The following ATXN1 variants were observed in gnomAD, a reference collection of about 807,000 sequenced individuals.
ATXN1 encodes ataxin 1.
In ATXN1, 8 loss-of-function variants were observed where a neutral mutation model predicts 56.4. The ratio of observed to expected loss-of-function variants is 0.14; its 90% confidence interval spans 0.08 to 0.26. ATXN1 has a LOEUF of 0.26. Ranked by LOEUF, ATXN1 falls within the 10% of genes least tolerant of loss-of-function variation. The probability of loss-of-function intolerance (pLI) is 1.00; values close to 1 mark genes in which losing one functional copy is unlikely to be tolerated. For synonymous variants in ATXN1, 514 were observed against 494.6 expected (o/e 1.04, Z -0.52); for missense variants, 987 against 1,106.5 (o/e 0.89, Z 1.53).
At chr6:16,516,952 T>C (rs1761194206) in intron 5 of ATXN1, among the ~76,000 whole-genome samples, 1 of 152,246 alleles carries the variant, frequency 6.6e-6, no homozygotes, top group Admixed American at 6.5e-5. Context: ...GTTGTGAGCC[T>C]CGCAAGCAGT....
chr6:16,698,654 A>T (rs201538870), intron 2 of ATXN1, among the ~76,000 whole-genome samples: 43,225 of 131,544 alleles, frequency 0.33, 6,252 homozygotes, highest in African/African-American at 0.36. Flanking sequence ...AAAAATTAAA[A>T]AAAAAAAAAA....
chr6:16,392,716 G>A (rs7756396), intron 6 of ATXN1, among the ~76,000 whole-genome samples: 6,374 of 152,062 alleles, frequency 0.042, 439 homozygotes, highest in African/African-American at 0.14. Context: ...GGCTGGTCTC[G>A]AACTCCTGAC....
At chr6:16,714,462 T>C (rs1759598149) in intron 2 of ATXN1, among the ~76,000 whole-genome samples, 1 of 152,220 alleles carries the variant, frequency 6.6e-6, no homozygotes, top group African/African-American at 2.4e-5. Flanking sequence ...GTTTTCCTTT[T>C]GAAATAGTGT....
At chr6:16,449,041 G>T (rs1759689907) in intron 6 of ATXN1, among the ~76,000 whole-genome samples, 1 of 152,116 alleles carries the variant, frequency 6.6e-6, no homozygotes, top group Admixed American at 6.5e-5. Flanking sequence ...TAATGGGCCA[G>T]ACCATACTGC....
chr6:16,336,261 T>C (rs1561857157), intron 6 of ATXN1, among the ~76,000 whole-genome samples: 1 of 152,220 alleles, frequency 6.6e-6, no homozygotes, highest in Non-Finnish European at 1.5e-5. Context: ...TACACTCACC[T>C]CCTGGCTATG....
At chr6:16,679,319 T>TGG (rs1581358392) in intron 2 of ATXN1, among the ~76,000 whole-genome samples, 4 of 58,242 alleles carry the variant, frequency 6.9e-5, no homozygotes, top group Admixed American at 5.2e-4. Flanking sequence ...TGGATGGATA[T>TGG]ATGGGTGGGT....
intron 6 of ATXN1, among the ~76,000 whole-genome samples, chr6:16,430,858 G>A (rs1759268688): frequency 6.6e-6 from 1 of 152,072 alleles, no homozygotes; most frequent in Admixed American, 6.6e-5. Flanking sequence ...CAAGGTTCGT[G>A]GTGTTTGCTG....
intron 4 of ATXN1, among the ~76,000 whole-genome samples, chr6:16,542,430 T>C (rs888219146): frequency 3.9e-5 from 6 of 152,244 alleles, no homozygotes; most frequent in Non-Finnish European, 5.9e-5. Context: ...CTCCCTCCTA[T>C]GTTACTTTGG....
intron 2 of ATXN1, chr6:16,738,841 G>T (rs1389026660): frequency 6.6e-6 from 1 of 152,152 alleles, no homozygotes; most frequent in East Asian, 1.9e-4. Flanking sequence ...CAAAAATATG[G>T]TTGTCAGAAC....
chr6:16,746,838 C>T (rs148257750), intron 2 of ATXN1, among the ~76,000 whole-genome samples: 12 of 151,758 alleles, frequency 7.9e-5, no homozygotes, highest in Middle Eastern at 3.4e-3. Flanking sequence ...TTGGGGGAGC[C>T]GGGAGCAAGA....
intron 3 of ATXN1, among the ~76,000 whole-genome samples, chr6:16,649,587 C>T (rs765766025): frequency 6.6e-5 from 10 of 152,146 alleles, no homozygotes; most frequent in African/African-American, 1.4e-4. Context: ...CAAAGATATA[C>T]GCCAGTAGTT....
chr6:16,368,129 C>T (rs1411210354), intron 6 of ATXN1, among the ~76,000 whole-genome samples: 1 of 151,322 alleles, frequency 6.6e-6, no homozygotes, highest in East Asian at 1.9e-4. Flanking sequence ...GAAATCATGC[C>T]ACTGCACTCC....
chr6:16,598,312 A>T (rs964722866), intron 3 of ATXN1, among the ~76,000 whole-genome samples: 1 of 152,176 alleles, frequency 6.6e-6, no homozygotes, highest in Non-Finnish European at 1.5e-5. Flanking sequence ...AAACTCCATA[A>T]TTAAGAGTTA....
chr6:16,444,074 C>T (rs558658211), intron 6 of ATXN1, among the ~76,000 whole-genome samples: 4 of 151,222 alleles, frequency 2.6e-5, no homozygotes, highest in African/African-American at 9.7e-5. Context: ...CGAGATTGCG[C>T]CACTGCATTC....
chr6:16,537,654 C>T (rs905725722), intron 4 of ATXN1, among the ~76,000 whole-genome samples: 4 of 149,764 alleles, frequency 2.7e-5, no homozygotes. Flanking sequence ...TGCAGTGAGC[C>T]GAGACTGCAC....
intron 6 of ATXN1, among the ~76,000 whole-genome samples, chr6:16,456,590 G>A (rs1311641744): frequency 6.6e-6 from 1 of 152,192 alleles, no homozygotes; most frequent in Non-Finnish European, 1.5e-5. Context: ...CTGCAGCCAT[G>A]AGCAGAACTC....
chr6:16,320,683 G>A (rs1760628078), intron 7 of ATXN1, among the ~76,000 whole-genome samples: 4 of 152,236 alleles, frequency 2.6e-5, no homozygotes, highest in South Asian at 2.1e-4. Flanking sequence ...TGCAGAAGAG[G>A]AGCCTGGGAG....
At chr6:16,634,385 T>C (rs956481177) in intron 3 of ATXN1, among the ~76,000 whole-genome samples, 1 of 152,200 alleles carries the variant, frequency 6.6e-6, no homozygotes, top group Non-Finnish European at 1.5e-5. Flanking sequence ...CCCTACCTCA[T>C]AGGGTTGTTT....
At chr6:16,349,428 G>A (rs1339642110) in intron 6 of ATXN1, among the ~76,000 whole-genome samples, 6 of 152,036 alleles carry the variant, frequency 3.9e-5, no homozygotes, top group African/African-American at 9.7e-5. Context: ...ACTTGAACCC[G>A]GGAGGCAGAG....
Sources: gnomAD v4.1 joint callset for allele counts (sites outside exome capture counted in the v4.1 genomes callset) on GRCh38, gnomAD v4.1.1 for gene constraint, MANE v1.5 for transcripts, NCBI Gene and HGNC (gene_info 2026-07-23, HGNC 2026-07-21) for gene names.